Variants in ENPEP observed in about 807,000 individuals in gnomAD.
ENPEP encodes the protein glutamyl aminopeptidase.
A neutral mutation model predicts 114.5 loss-of-function variants in ENPEP; 103 were observed. The observed-to-expected ratio is 0.90, with a 90% CI of 0.77 to 1.06. The LOEUF (loss-of-function observed/expected upper bound fraction) is 1.06. Ranked by LOEUF, ENPEP falls within the 50% of genes least tolerant of loss-of-function variation. The probability of loss-of-function intolerance (pLI) is 0.00; values close to 1 mark genes in which losing one functional copy is unlikely to be tolerated. For missense variants in ENPEP, 1,196 were observed against 1,161.3 expected, an observed-to-expected ratio of 1.03 and a Z score of -0.43; for synonymous variants, 420 against 422.0, an observed-to-expected ratio of 1.00 and a Z score of 0.06.
chr4:110,565,069 T>C lies in ENPEP; in HGVS notation c.*3511T>C, dbSNP rs1019864185. 1 of 152,198 alleles carries C rather than the reference T, an allele frequency of 6.6e-6. No homozygotes were observed. Among genetic ancestry groups the C allele is most frequent in the South Asian group, 2.1e-4 (1 of 4,826 alleles). 9.4% of individuals were successfully genotyped at this position (152,198 alleles called of 1,614,324 possible). On this transcript the variant is annotated 3_prime_UTR_variant, in exon 20 of 20. Coordinates refer to ENST00000265162, the MANE Select transcript of ENPEP (RefSeq NM_001977.4). Reference sequence around the variant, plus strand: ...ACCAAACTAATATACTCCTCTACCATAGTAATTTATTTCTTGTTCTTTCTC... The same window carrying C: ...ACCAAACTAATATACTCCTCTACCACAGTAATTTATTTCTTGTTCTTTCTC...
chr4:110,504,216 T>G (rs1725272080), intron 3 of ENPEP, among the ~76,000 whole-genome samples: 1 of 151,548 alleles, frequency 6.6e-6, no homozygotes. Context: ...CAGCCCGGGG[T>G]CAGGTGGTTG....
At chr4:110,541,037 G>A (rs576853679) in intron 11 of ENPEP, among the ~76,000 whole-genome samples, 10 of 152,192 alleles carry the variant, frequency 6.6e-5, no homozygotes, top group African/African-American at 2.4e-4. Context: ...ATGGCTTTAT[G>A]CTTAGCAAGA....
rs147410079 is a variant in ENPEP at position 110,529,707 on chromosome 4, G to A, written c.1728-1491G>A. Among the ~76,000 whole-genome samples the A allele has an allele frequency of 2.7e-3, 405 of 152,256 alleles. 1 individual carries two copies. The highest frequency in any genetic ancestry group is 9.3e-3 in the African/African-American group (386 of 41,554). On this transcript the variant is annotated intron_variant, in intron 10 of 19. Coordinates refer to ENST00000265162, the MANE Select transcript of ENPEP (RefSeq NM_001977.4). Reference sequence around the variant, plus strand: ...CTTTCCTTGCTCAGGTAGCTGGAAGGCAGTCCTCTGTCAGAGAGACCCAGG... The same window carrying A: ...CTTTCCTTGCTCAGGTAGCTGGAAGACAGTCCTCTGTCAGAGAGACCCAGG...
rs1553915958 is a variant in ENPEP, at chr4:110,476,380, C to T, written c.-35C>T. On this transcript the variant is annotated 5_prime_UTR_variant, in exon 1 of 20. Transcript: ENST00000265162. ...GACGTTAGTTAGTTAAATTTAACAT[C>T]TTTTTATGTGTAACACTTGACTTTG... The T allele has an allele frequency of 1.3e-6, 2 of 1,500,684 alleles. No individual in the cohort carries two copies. Among genetic ancestry groups the T allele is most frequent in the African/African-American group, 2.8e-5 (2 of 71,420 alleles). 93.0% of individuals were successfully genotyped at this position (1,500,684 alleles called of 1,614,324 possible).
intron 11 of ENPEP, among the ~76,000 whole-genome samples, chr4:110,532,191 T>C (rs572298966): frequency 1.3e-5 from 2 of 152,324 alleles, no homozygotes; most frequent in South Asian, 4.1e-4. Flanking sequence ...CAGTGTTTTT[T>C]AGTGTATTCA....
chr4:110,545,866 T>G (rs1003402228), intron 13 of ENPEP, among the ~76,000 whole-genome samples: 3 of 151,948 alleles, frequency 2.0e-5, no homozygotes, highest in Non-Finnish European at 4.4e-5. Context: ...GGCCACCCCA[T>G]GCAGTCCCAT....
rs1727686149 is a variant in ENPEP, at chr4:110,561,722, T to G, written c.*164T>G. 1.6e-6 allele frequency: 1 copy of G among 641,646 alleles called. No homozygotes were observed. Among genetic ancestry groups the G allele is most frequent in the South Asian group, 2.3e-5 (1 of 44,048 alleles). 39.7% of individuals were successfully genotyped at this position (641,646 alleles called of 1,614,324 possible). ...GCAAAGCCTTTAAATTGTTCCTCTT[T>G]GTTTATGAAGAAAGATACTAATAGA... On this transcript the variant is annotated 3_prime_UTR_variant, in exon 20 of 20. Coordinates refer to ENST00000265162, the MANE Select transcript of ENPEP (RefSeq NM_001977.4).
chr4:110,533,974 G>T (rs776964085), intron 11 of ENPEP, among the ~76,000 whole-genome samples: 11 of 152,146 alleles, frequency 7.2e-5, no homozygotes, highest in Non-Finnish European at 1.3e-4. Context: ...ATCATGTCTG[G>T]TCACTGAGCC....
chr4:110,549,446 A>G (rs768177476), intron 15 of ENPEP, 27 bp downstream of exon 15: 2 of 1,612,712 alleles, frequency 1.2e-6, no homozygotes, highest in East Asian at 4.5e-5. Context: ...AACAACTAAA[A>G]TTCATTTAAC....
chr4:110,502,485 G>T, intron 3 of ENPEP, among the ~76,000 whole-genome samples: 1 of 152,134 alleles, frequency 6.6e-6, no homozygotes, highest in Non-Finnish European at 1.5e-5. Context: ...TCAATCTTCT[G>T]CATACGGCTA....
intron 1 of ENPEP, among the ~76,000 whole-genome samples, chr4:110,485,175 A>G (rs1724458016): frequency 6.6e-6 from 1 of 152,208 alleles, no homozygotes; most frequent in South Asian, 2.1e-4. Flanking sequence ...TATACTTGCA[A>G]TTAACTACAA....
At chr4:110,489,120 C>T (rs1204125948) in intron 2 of ENPEP, among the ~76,000 whole-genome samples, 1 of 151,642 alleles carries the variant, frequency 6.6e-6, no homozygotes, top group African/African-American at 2.4e-5. Flanking sequence ...AAAATCATCA[C>T]TTAAATAGTG....
At position 110,484,853 on chromosome 4, in the gene ENPEP, G is replaced by A. The variant is rs555093307; in HGVS notation, c.645-3688G>A. Reference sequence around the variant, plus strand: ...AAACATACCCCATGGCTATAGCTTAGGAAAGTGTAATTCCACTTCCTCCTT... The same window carrying A: ...AAACATACCCCATGGCTATAGCTTAAGAAAGTGTAATTCCACTTCCTCCTT... On this transcript the variant is annotated intron_variant, in intron 1 of 19. Coordinates refer to ENST00000265162, the MANE Select transcript of ENPEP (RefSeq NM_001977.4). Among the ~76,000 whole-genome samples, 96 of 151,128 alleles carry A rather than the reference G, an allele frequency of 6.4e-4. No homozygotes were observed. In the South Asian group the frequency reaches 0.018, roughly 28 times the overall value.
intron 4 of ENPEP, among the ~76,000 whole-genome samples, chr4:110,507,416 A>T (rs1725411907): frequency 6.6e-6 from 1 of 152,224 alleles, no homozygotes; most frequent in East Asian, 1.9e-4. Flanking sequence ...TAAATATAAC[A>T]CCCATATAGA....
At chr4:110,483,381 A>G (rs560174895) in intron 1 of ENPEP, among the ~76,000 whole-genome samples, 1 of 152,208 alleles carries the variant, frequency 6.6e-6, no homozygotes, top group Non-Finnish European at 1.5e-5. Context: ...TGCTGGTTCA[A>G]CTTATAAAAT....
At chr4:110,533,184 G>T in intron 11 of ENPEP, 1 of 352,920 alleles carries the variant, frequency 2.8e-6, no homozygotes, top group Admixed American at 3.3e-5. Flanking sequence ...AATTCACCCA[G>T]CACTTTCATG....
chr4:110,516,106 G>A (rs1446574753), intron 8 of ENPEP, among the ~76,000 whole-genome samples: 1 of 152,056 alleles, frequency 6.6e-6, no homozygotes, highest in African/African-American at 2.4e-5. Context: ...TATCTATAAA[G>A]GTCATTCCTT....
chr4:110,540,261 G>T (rs1726801234), intron 11 of ENPEP, among the ~76,000 whole-genome samples: 2 of 151,994 alleles, frequency 1.3e-5, no homozygotes, highest in South Asian at 4.1e-4. Context: ...CATTATATTT[G>T]TTGTGTGTTT....
intron 1 of ENPEP, among the ~76,000 whole-genome samples, chr4:110,486,516 C>A (rs1242301711): frequency 6.6e-6 from 1 of 152,154 alleles, no homozygotes; most frequent in African/African-American, 2.4e-5. Context: ...GAACATGTTT[C>A]CCTGAACCTC....
Sources: allele counts gnomAD v4.1 joint callset (sites outside exome capture counted in the v4.1 genomes callset), GRCh38; gene constraint gnomAD v4.1.1; transcripts MANE v1.5; gene names NCBI Gene and HGNC (gene_info 2026-07-23, HGNC 2026-07-21).